Variants in VWA8 observed in about 807,000 individuals in gnomAD.
VWA8 encodes von Willebrand factor A domain-containing protein 8.
In VWA8, 221 loss-of-function variants were observed where a neutral mutation model predicts 241.5. That is an observed-to-expected ratio of 0.91 (90% CI 0.82 to 1.02). The LOEUF (loss-of-function observed/expected upper bound fraction) is 1.02. VWA8 is among the 50% of genes least tolerant of loss of function. VWA8 has a pLI of 0.00. For synonymous variants in VWA8, 852 were observed against 827.1 expected (o/e 1.03, Z -0.52); for missense variants, 2,322 against 2,328.7 (o/e 1.00, Z 0.06).
intron 21 of VWA8, among the ~76,000 whole-genome samples, chr13:41,760,665 C>A (rs768160755): frequency 2.6e-5 from 4 of 151,848 alleles, no homozygotes; most frequent in African/African-American, 4.8e-5. Flanking sequence ...TCTAACCATA[C>A]AAAATTATCT....
intron 20 of VWA8, among the ~76,000 whole-genome samples, chr13:41,772,180 G>A (rs2045829195): frequency 1.3e-5 from 2 of 152,280 alleles, no homozygotes; most frequent in Middle Eastern, 3.4e-3. Context: ...GTGAGCCACT[G>A]CGCCCGGCCT....
intron 17 of VWA8, among the ~76,000 whole-genome samples, chr13:41,795,574 A>C (rs1461363504): frequency 6.6e-6 from 1 of 152,232 alleles, no homozygotes; most frequent in African/African-American, 2.4e-5. Flanking sequence ...AAACTGGACA[A>C]ACAAAATGTG....
intron 20 of VWA8, among the ~76,000 whole-genome samples, chr13:41,767,418 C>T (rs1290831916): frequency 6.6e-6 from 1 of 152,102 alleles, no homozygotes; most frequent in Non-Finnish European, 1.5e-5. Context: ...ATAGAGAGGC[C>T]TTAGACAAGC....
At chr13:41,920,805 C>A (rs1192037110) in intron 2 of VWA8, among the ~76,000 whole-genome samples, 5 of 152,044 alleles carry the variant, frequency 3.3e-5, no homozygotes, top group African/African-American at 9.7e-5. Context: ...AGGCTACCAA[C>A]CAAAAAAAGT....
At chr13:41,754,691 C>A (rs1183738049) in intron 21 of VWA8, among the ~76,000 whole-genome samples, 1 of 152,064 alleles carries the variant, frequency 6.6e-6, no homozygotes, top group Non-Finnish European at 1.5e-5. Flanking sequence ...AATACTACAT[C>A]ATATGTATTC....
chr13:41,946,443 A>T (rs1414094228), intron 2 of VWA8, among the ~76,000 whole-genome samples: 1 of 152,194 alleles, frequency 6.6e-6, no homozygotes, highest in Non-Finnish European at 1.5e-5. Flanking sequence ...AAAACTTCAT[A>T]AAGCAATAAT....
intron 20 of VWA8, among the ~76,000 whole-genome samples, chr13:41,765,721 T>C (rs2045774637): frequency 6.6e-6 from 1 of 152,330 alleles, no homozygotes; most frequent in Non-Finnish European, 1.5e-5. Context: ...TTTAATTTTG[T>C]TCCTATACAT....
chr13:41,814,545 C>CT, intron 16 of VWA8, among the ~76,000 whole-genome samples: 1 of 152,110 alleles, frequency 6.6e-6, no homozygotes. Context: ...TGATGAGCAG[C>CT]TTAGGGTCAG....
chr13:41,860,254 A>G (rs913676765), intron 12 of VWA8, among the ~76,000 whole-genome samples: 8 of 152,186 alleles, frequency 5.3e-5, no homozygotes, highest in African/African-American at 1.9e-4. Flanking sequence ...AGAGAAGCAA[A>G]ATGGGAAAAA....
chr13:41,758,406 A>ACGC (rs1566444735), intron 21 of VWA8, among the ~76,000 whole-genome samples: 1 of 84,926 alleles, frequency 1.2e-5, no homozygotes, highest in Admixed American at 1.2e-4. Flanking sequence ...TAGTATATAT[A>ACGC]TATATATATA....
At chr13:41,676,786 C>A (rs2045063263) in intron 35 of VWA8, among the ~76,000 whole-genome samples, 1 of 152,020 alleles carries the variant, frequency 6.6e-6, no homozygotes, top group Admixed American at 6.5e-5. Context: ...GCACCCGCCA[C>A]CAAACCCAGC....
chr13:41,761,662 C>CAA (rs1192630009), intron 20 of VWA8, among the ~76,000 whole-genome samples: 1 of 151,992 alleles, frequency 6.6e-6, no homozygotes, highest in African/African-American at 2.4e-5. Context: ...CTATTTGAAT[C>CAA]AAACACTCAT....
chr13:41,761,244 T>C, intron 20 of VWA8, 40 bp from the exon 21 acceptor site: 1 of 1,583,216 alleles, frequency 6.3e-7, no homozygotes, highest in Non-Finnish European at 8.6e-7. Flanking sequence ...AAGAGGCTAT[T>C]TTCTGGAGAT....
intron 37 of VWA8, among the ~76,000 whole-genome samples, chr13:41,644,483 C>T (rs932244725): frequency 2.0e-5 from 3 of 152,242 alleles, no homozygotes; most frequent in East Asian, 3.8e-4. Flanking sequence ...GGGGTCTGCA[C>T]GTTTTCCCCA....
intron 2 of VWA8, among the ~76,000 whole-genome samples, chr13:41,921,009 C>T (rs1048179787): frequency 7.9e-5 from 12 of 152,180 alleles, no homozygotes; most frequent in African/African-American, 1.2e-4. Context: ...ACCAATATCC[C>T]TGATGAACAT....
chr13:41,865,975 A>C lies in VWA8; in HGVS notation c.1274T>G (p.Leu425Trp), dbSNP rs766368344. Reference protein sequence around the residue: ...PCASDRFIQTLSHKQLQAEMM... With the variant: ...PCASDRFIQTWSHKQLQAEMM... Reference sequence around the variant, plus strand: ...TTCAGCCTGTAGCTGCTTATGGCTCAAAGTCTGTATGAAACGGTCTGACGC... The same window carrying C: ...TTCAGCCTGTAGCTGCTTATGGCTCCAAGTCTGTATGAAACGGTCTGACGC... Residue 425 changes from leucine (L) to tryptophan (W), a missense_variant, in exon 11 of 45, where the codon TTG (leucine) becomes TGG (tryptophan). Physicochemically the swap from Leu to Trp is moderately conservative, Grantham distance 61. Coordinates refer to ENST00000379310, the MANE Select transcript of VWA8 (RefSeq NM_015058.2). 2 of 1,614,228 alleles carry C rather than the reference A, an allele frequency of 1.2e-6. No individual in the cohort carries two copies. The highest frequency in any genetic ancestry group is 2.2e-5 in the East Asian group (1 of 44,882).
chr13:41,573,468 A>G (rs2044324459), intron 43 of VWA8, among the ~76,000 whole-genome samples: 1 of 115,880 alleles, frequency 8.6e-6, no homozygotes, highest in Admixed American at 9.4e-5. Context: ...CAGGGTGGCT[A>G]TAGTTTAAAA....
At chr13:41,695,300 C>T (rs2045209304) in intron 29 of VWA8, among the ~76,000 whole-genome samples, 1 of 152,090 alleles carries the variant, frequency 6.6e-6, no homozygotes, top group African/African-American at 2.4e-5. Context: ...CAAAGTTTCC[C>T]TTTCCTTACT....
chr13:41,585,603 C>T (rs189232306), intron 42 of VWA8, among the ~76,000 whole-genome samples: 50 of 152,192 alleles, frequency 3.3e-4, no homozygotes, highest in African/African-American at 1.1e-3. Context: ...CGGTGGCTTG[C>T]GCCTGTAATC....
Sources: allele counts gnomAD v4.1 joint callset (sites outside exome capture counted in the v4.1 genomes callset), GRCh38; gene constraint gnomAD v4.1.1; transcripts MANE v1.5; gene names NCBI Gene and HGNC (gene_info 2026-07-23, HGNC 2026-07-21).